SELENOI: variants seen among roughly 807,000 people sequenced by gnomAD.
The protein encoded by SELENOI is selenoprotein I.
A neutral mutation model predicts 50.7 loss-of-function variants in SELENOI; 24 were observed. The ratio of observed to expected loss-of-function variants is 0.47; its 90% CI spans 0.34 to 0.67. The LOEUF (loss-of-function observed/expected upper bound fraction) is 0.67. SELENOI is among the 30% of genes least tolerant of loss of function. The pLI, the probability that SELENOI is intolerant of heterozygous loss-of-function variation, is 0.01. For missense variants in SELENOI, 352 were observed against 461.4 expected (o/e 0.76, Z 2.17); for synonymous variants, 155 against 170.2 (o/e 0.91, Z 0.70).
chr2:26,388,972 T>G (rs773528253), intron 9 of SELENOI, 33 bp from the exon 10 acceptor site: 1 of 1,473,522 alleles, frequency 6.8e-7, no homozygotes, highest in African/African-American at 1.4e-5. Context: ...AAGGTACATA[T>G]TTGTCACTGT....
chr2:26,359,339 C>G (rs1302620697), intron 1 of SELENOI, among the ~76,000 whole-genome samples: 10 of 152,116 alleles, frequency 6.6e-5, no homozygotes, highest in Admixed American at 6.6e-4. Flanking sequence ...ATTTGAAAGA[C>G]TGTAGTTTAG....
At chr2:26,385,702 CTG>C (rs1677824425) in intron 8 of SELENOI, among the ~76,000 whole-genome samples, 1 of 152,152 alleles carries the variant, frequency 6.6e-6, no homozygotes, top group Non-Finnish European at 1.5e-5. Flanking sequence ...GCCAGAAGGT[CTG>C]TGTTCTAGCT....
chr2:26,373,591 A>G lies in SELENOI; in HGVS notation c.535A>G (p.Ile179Val). ...CCACTGGGAAAAGTATAACACAGGG[A>G]TTCTTTTCCTGCCATGGGGATATGA... ...LSHWEKYNTGILFLPWGYDIS... is the reference protein window; with the variant it reads ...LSHWEKYNTGVLFLPWGYDIS... Residue 179 changes from isoleucine (I) to valine (V), a missense_variant, in exon 5 of 10, where the codon ATT (isoleucine) becomes GTT (valine). Ile to Val is a conservative substitution (Grantham distance 29, BLOSUM62 3). Coordinates refer to ENST00000260585, the MANE Select transcript of SELENOI (RefSeq NM_033505.4). 1.9e-6 allele frequency: 3 copies of G among 1,613,950 alleles called. No homozygotes were observed. The highest frequency in any genetic ancestry group is 2.5e-6 in the Non-Finnish European group (3 of 1,179,872).
At chr2:26,371,533 G>A (rs541925722) in intron 4 of SELENOI, among the ~76,000 whole-genome samples, 102 of 152,080 alleles carry the variant, frequency 6.7e-4, no homozygotes, top group African/African-American at 2.4e-3. Flanking sequence ...AGGTTGTAGC[G>A]AGCCGAGATC....
intron 4 of SELENOI, among the ~76,000 whole-genome samples, chr2:26,371,557 C>T (rs1169525831): frequency 6.6e-6 from 1 of 152,252 alleles, no homozygotes; most frequent in Non-Finnish European, 1.5e-5. Context: ...CCACTGCACT[C>T]CAGCCTGGGC....
At chr2:26,346,313 C>A in intron 1 of SELENOI, 24 bp downstream of exon 1, 1 of 1,599,606 alleles carries the variant, frequency 6.3e-7, no homozygotes, top group South Asian at 1.1e-5. Flanking sequence ...GCGGATGCCC[C>A]TCTCCCTGCT....
intron 3 of SELENOI, among the ~76,000 whole-genome samples, chr2:26,366,372 G>C (rs1677287605): frequency 6.6e-6 from 1 of 151,972 alleles, no homozygotes; most frequent in African/African-American, 2.4e-5. Context: ...CCTAAAGAAT[G>C]TATCTTTGTA....
At chr2:26,359,399 T>C (rs1184826138) in intron 1 of SELENOI, among the ~76,000 whole-genome samples, 1 of 151,988 alleles carries the variant, frequency 6.6e-6, no homozygotes, top group Non-Finnish European at 1.5e-5. Flanking sequence ...TCCTAGAACT[T>C]TGGGAGGCTG....
At chr2:26,373,293 C>T in intron 4 of SELENOI, 74 bp from the exon 5 acceptor site, 1 of 1,497,210 alleles carries the variant, frequency 6.7e-7, no homozygotes, top group Non-Finnish European at 9.0e-7. Flanking sequence ...GTTTTTTCCT[C>T]CAGTTTATTA....
chr2:26,371,862 A>G (rs13028402), intron 4 of SELENOI, among the ~76,000 whole-genome samples: 25 of 149,794 alleles, frequency 1.7e-4, no homozygotes, highest in Admixed American at 9.9e-4. Context: ...GGAGAGGGAA[A>G]CCATGGGGAG....
chr2:26,356,873 T>C (rs1039184501), intron 1 of SELENOI, among the ~76,000 whole-genome samples: 7 of 152,198 alleles, frequency 4.6e-5, no homozygotes, highest in Admixed American at 4.6e-4. Context: ...TCAGCATTTC[T>C]GATACTTCTG....
At chr2:26,373,326 T>C (rs1375846390) in intron 4 of SELENOI, 41 bp from the exon 5 acceptor site, 1 of 1,576,300 alleles carries the variant, frequency 6.3e-7, no homozygotes, top group Non-Finnish European at 8.6e-7. Flanking sequence ...TCCATCCTGG[T>C]GCATACGTTG....
intron 4 of SELENOI, among the ~76,000 whole-genome samples, chr2:26,373,099 G>A (rs1038905297): frequency 3.9e-5 from 6 of 152,164 alleles, no homozygotes; most frequent in African/African-American, 1.4e-4. Context: ...ATGTTGCCCA[G>A]GCTGGTCTCA....
Position 26,375,119 on chromosome 2 carries a change from A to G in SELENOI, c.653A>G (p.Tyr218Cys). 5.0e-6 allele frequency: 8 copies of G among 1,611,076 alleles called. No individual in the cohort carries two copies. Among genetic ancestry groups the G allele is most frequent in the Non-Finnish European group, 6.8e-6 (8 of 1,177,552 alleles). The stretch of plus-strand genomic sequence containing the variant: ...GAACCTTTCCTGTTTAATTTCTTAT[A>G]TAGAGACCTATTCACTGCAATGATT... The part of the protein sequence containing the change: ...WYEPFLFNFL[Y>C]RDLFTAMIIG... The change falls in exon 6 of 10, where the codon TAT (tyrosine) becomes TGT (cysteine). Residue 218 changes from tyrosine (Y) to cysteine (C), a missense_variant. Tyr to Cys is a radical substitution (Grantham distance 194). Coordinates refer to ENST00000260585, the MANE Select transcript of SELENOI (RefSeq NM_033505.4).
chr2:26,366,114 C>G (rs113189104), intron 3 of SELENOI, among the ~76,000 whole-genome samples: 7,602 of 152,132 alleles, frequency 0.05, 232 homozygotes, highest in African/African-American at 0.094. Flanking sequence ...ACTTTTGATA[C>G]TATAGAAATT....
At chr2:26,374,566 A>AT (rs34004967) in intron 5 of SELENOI, among the ~76,000 whole-genome samples, 13,081 of 128,796 alleles carry the variant, frequency 0.1, 1,667 homozygotes, top group East Asian at 0.66. Context: ...AAAAGATTGT[A>AT]TTTTTTTTTT....
chr2:26,371,045 G>A (rs1368547980), intron 4 of SELENOI, among the ~76,000 whole-genome samples: 1 of 138,504 alleles, frequency 7.2e-6, no homozygotes, highest in South Asian at 2.3e-4. Context: ...CTTCCCAGTA[G>A]GGGCGGCCGG....
At chr2:26,363,273 A>G (rs936335828) in intron 1 of SELENOI, among the ~76,000 whole-genome samples, 10 of 152,234 alleles carry the variant, frequency 6.6e-5, no homozygotes, top group African/African-American at 2.2e-4. Context: ...GGTAAGGACT[A>G]TCATCTTCAT....
chr2:26,351,051 G>GTTGTTTTTTTTTTTTTT (rs1558409882), intron 1 of SELENOI, among the ~76,000 whole-genome samples: 1 of 102,076 alleles, frequency 9.8e-6, no homozygotes, highest in Non-Finnish European at 1.8e-5. Flanking sequence ...TTCACTGTTT[G>GTTGTTTTTTTTTTTTTT]TTTGTTTTTT....
Sources: allele counts gnomAD v4.1 joint callset (sites outside exome capture counted in the v4.1 genomes callset), GRCh38; gene constraint gnomAD v4.1.1; transcripts MANE v1.5; gene names NCBI Gene and HGNC (gene_info 2026-07-23, HGNC 2026-07-21).